The following TMEM64 variants were observed in gnomAD, a reference collection of about 807,000 sequenced individuals.
TMEM64 encodes transmembrane protein 64.
TMEM64 carries 19 observed loss-of-function variants against 24.5 expected under a neutral mutation model. That is an observed-to-expected ratio of 0.78 (90% confidence interval 0.54 to 1.14). The LOEUF (loss-of-function observed/expected upper bound fraction) is 1.14. TMEM64 is among the 50% of genes most tolerant of loss of function. The pLI is 0.00. For missense variants in TMEM64, 487 were observed against 493.0 expected (o/e 0.99, Z 0.12); for synonymous variants, 262 against 224.7 (o/e 1.17, Z -1.49).
intron 2 of TMEM64, among the ~76,000 whole-genome samples, chr8:90,628,953 G>GTT (rs1809400445): frequency 6.6e-6 from 1 of 152,172 alleles, no homozygotes; most frequent in African/African-American, 2.4e-5. Context: ...ACAAGAAATG[G>GTT]TTGTGGCTTC....
chr8:90,645,813 C>G lies in TMEM64; in HGVS notation c.93G>C (p.Trp31Cys). The G allele has an allele frequency of 5.7e-6, 6 of 1,043,902 alleles. No homozygotes were observed. The highest frequency in any genetic ancestry group is 5.8e-6 in the Non-Finnish European group (5 of 869,516). The allele number at this position is 1,043,902 out of a possible 1,614,324, so 64.7% of individuals were successfully genotyped here. The part of the protein sequence containing the change: ...LPGLAELPAR[W>C]ALPRGAGGDG... Reference sequence around the variant, plus strand: ...CCCCGCCCGCACCCCGCGGCAGGGCCCAGCGGGCCGGCAGCTCGGCGAGGC... The same window carrying G: ...CCCCGCCCGCACCCCGCGGCAGGGCGCAGCGGGCCGGCAGCTCGGCGAGGC... The change falls in exon 1 of 3, where the codon TGG (tryptophan) becomes TGC (cysteine). Residue 31 changes from tryptophan to cysteine, a missense_variant. By Grantham distance (215) the Trp-to-Cys change is radical (BLOSUM62 -2). This residue lies in a region of TMEM64 where 419 missense variants were observed against 407.5 expected (regional missense o/e 1.03). Coordinates refer to ENST00000458549, the MANE Select transcript of TMEM64 (RefSeq NM_001008495.4). This position sits in a 1 kb window ranked among gnomAD's most constrained non-coding sequence, Gnocchi z 4.2.
At chr8:90,635,427 CTG>C (rs1330013205) in intron 1 of TMEM64, among the ~76,000 whole-genome samples, 1 of 149,166 alleles carries the variant, frequency 6.7e-6, no homozygotes, top group Non-Finnish European at 1.5e-5. Context: ...GGACTCTTCG[CTG>C]TGTCACCCAG....
At chr8:90,628,406 A>C (rs922048992) in intron 2 of TMEM64, among the ~76,000 whole-genome samples, 1 of 152,236 alleles carries the variant, frequency 6.6e-6, no homozygotes, top group Admixed American at 6.5e-5. Context: ...CGAAGGAGTC[A>C]AAATTGTGAG....
intron 2 of TMEM64, 95 bp downstream of exon 2, chr8:90,631,457 C>G: frequency 1.8e-6 from 2 of 1,083,582 alleles, no homozygotes; most frequent in Admixed American, 2.5e-5. Context: ...ATGGAAAAAC[C>G]CTCTGATTAT....
chr8:90,630,789 T>C (rs955563632), intron 2 of TMEM64, among the ~76,000 whole-genome samples: 6 of 152,184 alleles, frequency 3.9e-5, no homozygotes, highest in African/African-American at 1.4e-4. Flanking sequence ...AGGTGAACTA[T>C]CATCATCATC....
intron 1 of TMEM64, among the ~76,000 whole-genome samples, chr8:90,642,258 G>A (rs1366644146): frequency 6.6e-6 from 1 of 152,130 alleles, no homozygotes; most frequent in Non-Finnish European, 1.5e-5. Context: ...TTTTACAGAT[G>A]AGGAAATGGA....
chr8:90,625,956 A>G (rs1809352884), intron 2 of TMEM64, 94 bp from the exon 3 acceptor site: 3 of 890,186 alleles, frequency 3.4e-6, no homozygotes, highest in Admixed American at 2.8e-5. Context: ...TGCTTCAAAC[A>G]GGGTGCTTCT....
intron 1 of TMEM64, among the ~76,000 whole-genome samples, chr8:90,635,388 A>G (rs1261129792): frequency 6.6e-6 from 1 of 151,306 alleles, no homozygotes; most frequent in East Asian, 1.9e-4. Context: ...ATTTTATTTT[A>G]TTTTATTTTA....
In TMEM64 at chr8:90,623,302, T is replaced by C. The variant is rs566433212; in HGVS notation, c.*2369A>G. 6.6e-6 allele frequency: 1 copy of C among 152,290 alleles called. No homozygotes were observed. Among genetic ancestry groups the C allele is most frequent in the African/African-American group, 2.4e-5 (1 of 41,572 alleles). 9.4% of individuals were successfully genotyped at this position (152,290 alleles called of 1,614,324 possible). On this transcript the variant is annotated 3_prime_UTR_variant, in exon 3 of 3. Transcript: ENST00000458549. ...CAGCAATATTTGGACAACATAAAAG[T>C]ATCCTGTAGATATGTGTTGCTGCCA...
At chr8:90,627,598 C>T (rs2130495352) in intron 2 of TMEM64, among the ~76,000 whole-genome samples, 1 of 152,130 alleles carries the variant, frequency 6.6e-6, no homozygotes, top group Non-Finnish European at 1.5e-5. Flanking sequence ...GGAAAGAGGG[C>T]TGAGCTAAAG....
chr8:90,633,136 A>G (rs1364876764), intron 1 of TMEM64, among the ~76,000 whole-genome samples: 3 of 152,182 alleles, frequency 2.0e-5, no homozygotes, highest in African/African-American at 7.2e-5. Flanking sequence ...CTTCTAGCAA[A>G]CAGGCAAGAG....
Position 90,645,093 on chromosome 8 carries a change from C to A in TMEM64, c.795+18G>T. On this transcript the variant is annotated intron_variant, in intron 1 of 2. Coordinates refer to ENST00000458549, the MANE Select transcript of TMEM64 (RefSeq NM_001008495.4). This position sits in a 1 kb window ranked among gnomAD's most constrained non-coding sequence, Gnocchi z 4.2. ...AAAACAGACTTGGAGAGGGATAGGCCAGCGGGACCCCACTTACCGAAAACA... is the reference window on the plus strand; with the variant it reads ...AAAACAGACTTGGAGAGGGATAGGCAAGCGGGACCCCACTTACCGAAAACA... 1 of 1,589,020 alleles carries A rather than the reference C, an allele frequency of 6.3e-7. No individual in the cohort carries two copies. Among genetic ancestry groups the A allele is most frequent in the African/African-American group, 1.3e-5 (1 of 74,706 alleles).
At chr8:90,625,913 AG>A (rs756018512) in intron 2 of TMEM64, 51 bp from the exon 3 acceptor site, 2 of 1,368,120 alleles carry the variant, frequency 1.5e-6, no homozygotes, top group Non-Finnish European at 2.0e-6. Context: ...TACAAAAAAA[AG>A]AAATAAATCC....
chr8:90,631,503 A>G, intron 2 of TMEM64, 49 bp downstream of exon 2: 3 of 1,427,872 alleles, frequency 2.1e-6, no homozygotes, highest in Non-Finnish European at 1.9e-6. Context: ...AATGCCATAC[A>G]AAAAGAAACA....
At chr8:90,628,332 G>A (rs564976942) in intron 2 of TMEM64, among the ~76,000 whole-genome samples, 4 of 152,308 alleles carry the variant, frequency 2.6e-5, no homozygotes, top group South Asian at 4.1e-4. Context: ...TTTCTCAGTT[G>A]AAGGCTTCTG....
rs746782557 is a variant in TMEM64 at position 90,631,584 on chromosome 8, T to C, written c.919A>G (p.Ser307Gly). ...RTMEDVIAEQ[S>G]VSGYFVFCLQ... Reference sequence around the variant, plus strand: ...CAAAAAACAAAATATCCACTAACACTCTGTTCTGCAATGACATCTTCCATT... The same window carrying C: ...CAAAAAACAAAATATCCACTAACACCCTGTTCTGCAATGACATCTTCCATT... Residue 307 changes from serine to glycine, a missense_variant, in exon 2 of 3, where the codon AGT becomes GGT. Around this residue, in one of 3 missense-constraint regions of TMEM64, gnomAD observed 419 missense variants for 407.5 expected, o/e 1.03. Transcript: ENST00000458549. 1 of 1,609,844 alleles carries C rather than the reference T, an allele frequency of 6.2e-7. No individual in the cohort carries two copies. Among genetic ancestry groups the C allele is most frequent in the East Asian group, 2.2e-5 (1 of 44,854 alleles).
At chr8:90,636,083 A>C (rs1484555503) in intron 1 of TMEM64, among the ~76,000 whole-genome samples, 1 of 152,230 alleles carries the variant, frequency 6.6e-6, no homozygotes, top group African/African-American at 2.4e-5. Context: ...TACCCTTGGG[A>C]AACAGTGTTA....
At chr8:90,632,149 C>T (rs1356016440) in intron 1 of TMEM64, among the ~76,000 whole-genome samples, 1 of 152,138 alleles carries the variant, frequency 6.6e-6, no homozygotes, top group Non-Finnish European at 1.5e-5. Flanking sequence ...CTCTAAATAT[C>T]TGTTTTGCTT....
intron 1 of TMEM64, among the ~76,000 whole-genome samples, chr8:90,644,880 C>T (rs1809662746): frequency 6.6e-6 from 1 of 152,190 alleles, no homozygotes; most frequent in Non-Finnish European, 1.5e-5. Flanking sequence ...CATTCCCATC[C>T]CTAAAAGAAA....
Sources: allele counts gnomAD v4.1 joint callset (sites outside exome capture counted in the v4.1 genomes callset), GRCh38; gene constraint gnomAD v4.1.1; regional missense constraint gnomAD v4.1.1; non-coding constraint Gnocchi (gnomAD v3.1); transcripts MANE v1.5; gene names NCBI Gene and HGNC (gene_info 2026-07-23, HGNC 2026-07-21).